LHFPL2: variants seen among roughly 807,000 people sequenced by gnomAD.
LHFPL2 encodes LHFPL tetraspan subfamily member 2 protein.
In LHFPL2, 7 loss-of-function variants were observed where a neutral mutation model predicts 17.5. That is an observed-to-expected ratio of 0.40 (90% CI 0.23 to 0.75). LHFPL2 has a LOEUF of 0.75. Among genes scored for constraint, LHFPL2 ranks in the 30% least tolerant of loss-of-function variants. LHFPL2 has a pLI of 0.37. For synonymous variants in LHFPL2, 134 were observed against 116.2 expected (o/e 1.15, Z -0.99); for missense variants, 241 against 294.8 (o/e 0.82, Z 1.34).
At chr5:78,497,573 G>T (rs1291472556) in intron 4 of LHFPL2, among the ~76,000 whole-genome samples, 3 of 152,220 alleles carry the variant, frequency 2.0e-5, no homozygotes, top group Admixed American at 6.5e-5. Context: ...CAGGTGCTTA[G>T]TAAATATTCA....
intron 4 of LHFPL2, among the ~76,000 whole-genome samples, chr5:78,508,819 T>G (rs1459486645): frequency 1.3e-5 from 2 of 152,152 alleles, no homozygotes; most frequent in African/African-American, 4.8e-5. Context: ...TCTAGATTAA[T>G]GTCTTGGTTA....
Position 78,487,457 on chromosome 5 carries a change from CTT to C in LHFPL2, c.*1438_*1439del, listed in dbSNP as rs1398113628. 1 of 152,222 alleles carries C rather than the reference CTT, an allele frequency of 6.6e-6. No individual in the cohort carries two copies. The highest frequency in any genetic ancestry group is 1.5e-5 in the Non-Finnish European group (1 of 68,042). 9.4% of individuals were successfully genotyped at this position (152,222 alleles called of 1,614,324 possible). ...AGATTAATGAACCCAAATACCTACA[CTT>C]TTTCTCCTTCCAGAAATCTGGCAGT... On this transcript the variant is annotated 3_prime_UTR_variant, in exon 5 of 5. Coordinates refer to ENST00000380345, the MANE Select transcript of LHFPL2 (RefSeq NM_005779.3).
chr5:78,520,320 G>C (rs984761624), intron 3 of LHFPL2, among the ~76,000 whole-genome samples: 1 of 152,132 alleles, frequency 6.6e-6, no homozygotes, highest in Non-Finnish European at 1.5e-5. Flanking sequence ...CACGGGTCCC[G>C]ACCCAGGCTC....
At chr5:78,558,215 C>T (rs1756632296) in intron 3 of LHFPL2, among the ~76,000 whole-genome samples, 1 of 152,152 alleles carries the variant, frequency 6.6e-6, no homozygotes. Flanking sequence ...CTATTATTTA[C>T]CTATGTTAAC....
intron 2 of LHFPL2, among the ~76,000 whole-genome samples, chr5:78,590,618 G>A (rs1358770305): frequency 6.6e-6 from 1 of 151,990 alleles, no homozygotes; most frequent in Non-Finnish European, 1.5e-5. Flanking sequence ...TTTATTTTTT[G>A]AAACATCTAT....
At chr5:78,581,626 C>T (rs1320838880) in intron 2 of LHFPL2, among the ~76,000 whole-genome samples, 1 of 152,148 alleles carries the variant, frequency 6.6e-6, no homozygotes, top group African/African-American at 2.4e-5. Flanking sequence ...AGCCTTGCAT[C>T]CCAGGGATGA....
chr5:78,591,428 C>T (rs1472098945), intron 2 of LHFPL2, among the ~76,000 whole-genome samples: 1 of 152,138 alleles, frequency 6.6e-6, no homozygotes, highest in Non-Finnish European at 1.5e-5. Context: ...AAAATGTTTA[C>T]CTCTGAGAAT....
At chr5:78,597,703 T>C (rs980455046) in intron 2 of LHFPL2, among the ~76,000 whole-genome samples, 1 of 152,208 alleles carries the variant, frequency 6.6e-6, no homozygotes, top group African/African-American at 2.4e-5. Context: ...AATAAGTCAG[T>C]AGTATTCAAT....
intron 2 of LHFPL2, among the ~76,000 whole-genome samples, chr5:78,602,533 T>G (rs1409637039): frequency 6.6e-6 from 1 of 152,250 alleles, no homozygotes; most frequent in East Asian, 1.9e-4. Context: ...TCTTCATTTG[T>G]TTGTTCTTTA....
chr5:78,530,552 G>A (rs1755751124), intron 3 of LHFPL2, among the ~76,000 whole-genome samples: 1 of 152,194 alleles, frequency 6.6e-6, no homozygotes, highest in South Asian at 2.1e-4. Context: ...CATTTGCCCT[G>A]AGTTCTACAG....
At chr5:78,543,835 A>G (rs1756185817) in intron 3 of LHFPL2, among the ~76,000 whole-genome samples, 1 of 152,232 alleles carries the variant, frequency 6.6e-6, no homozygotes, top group Admixed American at 6.5e-5. Flanking sequence ...ACATCATGCC[A>G]TTGCTGCACG....
chr5:78,490,104 T>C (rs1754388620), intron 4 of LHFPL2, among the ~76,000 whole-genome samples: 1 of 152,252 alleles, frequency 6.6e-6, no homozygotes, highest in South Asian at 2.1e-4. Context: ...CTGCGTACTT[T>C]TAAGAGAGTG....
chr5:78,568,098 G>T (rs571731731), intron 2 of LHFPL2, among the ~76,000 whole-genome samples: 1 of 152,094 alleles, frequency 6.6e-6, no homozygotes, highest in East Asian at 1.9e-4. Context: ...GTATTCTCAC[G>T]CTGCCAGGTC....
intron 2 of LHFPL2, among the ~76,000 whole-genome samples, chr5:78,580,580 C>A (rs1052968847): frequency 5.1e-5 from 7 of 138,446 alleles, no homozygotes; most frequent in African/African-American, 1.8e-4. Flanking sequence ...CCAGTTTTCC[C>A]AGCACCATTT....
chr5:78,498,448 TAGTC>T (rs936523903), intron 4 of LHFPL2, among the ~76,000 whole-genome samples: 16 of 152,246 alleles, frequency 1.1e-4, no homozygotes, highest in Admixed American at 2.0e-4. Context: ...TCCATGCTGA[TAGTC>T]AGAAGTCATT....
At chr5:78,500,147 A>T (rs1460728794) in intron 4 of LHFPL2, among the ~76,000 whole-genome samples, 1 of 152,162 alleles carries the variant, frequency 6.6e-6, no homozygotes, top group Non-Finnish European at 1.5e-5. Context: ...AAAATCACCC[A>T]TAAAAAAACA....
At chr5:78,589,365 G>A (rs557145640) in intron 2 of LHFPL2, among the ~76,000 whole-genome samples, 44 of 151,850 alleles carry the variant, frequency 2.9e-4, no homozygotes, top group Non-Finnish European at 4.9e-4. Flanking sequence ...CAGCTACTCG[G>A]GAGGCTAAGG....
At chr5:78,498,143 A>C (rs1277925203) in intron 4 of LHFPL2, among the ~76,000 whole-genome samples, 1 of 152,214 alleles carries the variant, frequency 6.6e-6, no homozygotes, top group Non-Finnish European at 1.5e-5. Context: ...TAGCAGTGTG[A>C]GCCTGGAGAA....
chr5:78,514,932 C>T (rs538938829), intron 3 of LHFPL2, among the ~76,000 whole-genome samples: 4 of 152,166 alleles, frequency 2.6e-5, no homozygotes, highest in Admixed American at 2.0e-4. Flanking sequence ...AACATTTTCC[C>T]GTATTTGTTC....
Sources: allele counts gnomAD v4.1 joint callset (sites outside exome capture counted in the v4.1 genomes callset), GRCh38; gene constraint gnomAD v4.1.1; transcripts MANE v1.5; gene names NCBI Gene and HGNC (gene_info 2026-07-23, HGNC 2026-07-21).